ITIH6: variants seen among roughly 807,000 people sequenced by gnomAD.
The protein encoded by ITIH6 is inter-alpha-trypsin inhibitor heavy chain H6.
A neutral mutation model predicts 58.2 loss-of-function variants in ITIH6; 60 were observed. The observed-to-expected ratio is 1.03, with a 90% CI of 0.84 to 1.28. The LOEUF is 1.28. Among genes scored for constraint, ITIH6 ranks in the 50% most tolerant of loss-of-function variants. ITIH6 has a pLI of 0.00. For missense variants in ITIH6, 1,290 were observed against 1,021.1 expected, an observed-to-expected ratio of 1.26 and a Z score of -3.59; for synonymous variants, 493 against 417.4, an observed-to-expected ratio of 1.18 and a Z score of -2.21.
rs773440809 is a variant in ITIH6, at chrX:54,758,906, G to A, written c.1168C>T (p.Pro390Ser). The A allele has an allele frequency of 3.3e-6, 4 of 1,209,560 alleles. No individual in the cohort carries two copies. Among genetic ancestry groups the A allele is most frequent in the South Asian group, 3.5e-5 (2 of 56,517 alleles). The change falls in exon 8 of 13, where the codon CCT (proline) becomes TCT (serine). Residue 390 changes from proline (P) to serine (S), a missense_variant. By Grantham distance (74) the Pro-to-Ser change is moderately conservative. Coordinates refer to ENST00000218436, the MANE Select transcript of ITIH6 (RefSeq NM_198510.3). ...PGRGPSVGRI[P>S]LIIFLTDGEP... ...CCATCCGTCAGGAAGATGATAAGAGGGATCCTCCCCACACTGGGGCCCCTC... is the reference window on the plus strand; with the variant it reads ...CCATCCGTCAGGAAGATGATAAGAGAGATCCTCCCCACACTGGGGCCCCTC...
chrX:54,762,562 C>G (rs1156930958), intron 6 of ITIH6, among the ~76,000 whole-genome samples: 1 of 111,884 alleles, frequency 8.9e-6, no homozygotes, highest in African/African-American at 3.2e-5. Context: ...AGATAGCATA[C>G]TTTCCAACTT....
Position 54,749,972 on chromosome X carries a change from A to C in ITIH6, c.3865T>G (p.Trp1289Gly), listed in dbSNP as rs1928319082. The C allele has an allele frequency of 1.7e-6, 2 of 1,210,028 alleles. No homozygotes were observed. Among genetic ancestry groups the C allele is most frequent in the South Asian group, 3.5e-5 (2 of 56,768 alleles). ...CGCTTCACCAGCCAGCAGGAAGCCC[A>C]GCGGGGCAGCAGCCTTGGTGAGTCC... The part of the protein sequence containing the change: ...LKDSPRLLPR[W>G]ASCWLVKRSH... Residue 1289 changes from tryptophan to glycine, a missense_variant, in exon 13 of 13, where the codon TGG becomes GGG. Trp to Gly is a radical substitution (Grantham distance 184). Transcript: ENST00000218436.
chrX:54,758,132 C>T lies in ITIH6; in HGVS notation c.1942G>A (p.Ala648Thr). The change falls in exon 8 of 13, where the codon GCT (alanine) becomes ACT (threonine). Residue 648 changes from alanine (A) to threonine (T), a missense_variant. Transcript: ENST00000218436. ...SSRHGLGVST[A>T]QPALVPKVIS... ...ACCTTGGGCACCAAGGCTGGCTGAGCTGTGCTTACCCCTAGGCCATGCCTG... is the reference window on the plus strand; with the variant it reads ...ACCTTGGGCACCAAGGCTGGCTGAGTTGTGCTTACCCCTAGGCCATGCCTG... The T allele has an allele frequency of 8.3e-7, 1 of 1,211,760 alleles. No homozygotes were observed. Among genetic ancestry groups the T allele is most frequent in the Admixed American group, 2.2e-5 (1 of 46,063 alleles).
chrX:54,776,727 A>C (rs2147614431), intron 5 of ITIH6, among the ~76,000 whole-genome samples: 1 of 110,790 alleles, frequency 9.0e-6, no homozygotes, highest in South Asian at 3.9e-4. Flanking sequence ...GAAGGGAAGG[A>C]CCCAGTTCTT....
At chrX:54,769,411 G>T (rs1347147344) in intron 6 of ITIH6, among the ~76,000 whole-genome samples, 2 of 100,924 alleles carry the variant, frequency 2.0e-5, no homozygotes, top group Non-Finnish European at 4.0e-5. Flanking sequence ...GCTTTGTTCC[G>T]TTGCTGGTGA....
At chrX:54,773,992 C>T in intron 6 of ITIH6, 89 bp downstream of exon 6, 1 of 509,065 alleles carries the variant, frequency 2.0e-6, no homozygotes, top group East Asian at 4.0e-5. Flanking sequence ...GGTGGAATCT[C>T]TTCTCCCAGG....
chrX:54,783,281 G>A (rs915416752), intron 5 of ITIH6, among the ~76,000 whole-genome samples: 2 of 111,939 alleles, frequency 1.8e-5, no homozygotes, highest in Non-Finnish European at 3.8e-5. Context: ...ACTGGAGCAC[G>A]ACACGGATGC....
chrX:54,754,040 A>G, intron 9 of ITIH6, 75 bp from the exon 10 acceptor site: 4 of 1,005,236 alleles, frequency 4.0e-6, no homozygotes, highest in Non-Finnish European at 1.4e-6. Flanking sequence ...ACATACTCCC[A>G]GATAAGGGCC....
chrX:54,756,962 C>G lies in ITIH6; in HGVS notation c.3109+3G>C, dbSNP rs184776415. On this transcript the variant is annotated splice_donor_region_variant and intron_variant, in intron 8 of 12. Coordinates refer to ENST00000218436, the MANE Select transcript of ITIH6 (RefSeq NM_198510.3). ...GGCTCGACCTCTTACCCATGGCACT[C>G]ACCATCTTCATCAGGAGTGAGGAAG... is the stretch of plus-strand genomic sequence containing the variant. 5 of 1,149,118 alleles carry G rather than the reference C, an allele frequency of 4.4e-6. No individual in the cohort carries two copies. The highest frequency in any genetic ancestry group is 2.3e-5 in the Admixed American group (1 of 42,899). 94.7% of individuals were successfully genotyped at this position (1,149,118 alleles called of 1,213,427 possible). A position where few individuals can be genotyped will look rare whatever the true frequency, so the allele number is the denominator to read the frequency against.
Position 54,757,259 on chromosome X carries a change from T to C in ITIH6, c.2815A>G (p.Arg939Gly). 8.4e-7 allele frequency: 1 copy of C among 1,191,342 alleles called. No individual in the cohort carries two copies. The highest frequency in any genetic ancestry group is 1.1e-6 in the Non-Finnish European group (1 of 885,087). Residue 939 changes from arginine (R) to glycine (G), a missense_variant, in exon 8 of 13, where the codon AGG becomes GGG. Transcript: ENST00000218436. ...AGGAGGTCATACTGATGCCAGAACC[T>C]TCCAGGGGGCAGAGTGGGAGTAAAG... Reference protein sequence around the residue: ...MPFTPTLPPGRFWHQYDLLPG... With the variant: ...MPFTPTLPPGGFWHQYDLLPG...
chrX:54,772,656 C>T (rs1191060372), intron 6 of ITIH6, among the ~76,000 whole-genome samples: 1 of 112,260 alleles, frequency 8.9e-6, no homozygotes, highest in Non-Finnish European at 1.9e-5. Flanking sequence ...GAAAGCCAGA[C>T]GTGATGTATC....
intron 6 of ITIH6, among the ~76,000 whole-genome samples, chrX:54,765,979 A>G (rs1335479779): frequency 2.7e-5 from 3 of 111,378 alleles, no homozygotes; most frequent in Admixed American, 9.5e-5. Context: ...AAATTACCTT[A>G]GGCAGTATGG....
At chrX:54,785,155 G>A (rs1929219226) in intron 5 of ITIH6, among the ~76,000 whole-genome samples, 1 of 102,018 alleles carries the variant, frequency 9.8e-6, no homozygotes, top group Admixed American at 1.1e-4. Flanking sequence ...AATGAAAGCC[G>A]TTGAACTCAT....
chrX:54,782,022 G>A (rs757133232), intron 5 of ITIH6, among the ~76,000 whole-genome samples: 1 of 111,735 alleles, frequency 8.9e-6, no homozygotes, highest in African/African-American at 3.3e-5. Flanking sequence ...ATGAGTGGGA[G>A]CTAAATAATG....
chrX:54,797,050 T>A lies in ITIH6; in HGVS notation c.149A>T (p.Tyr50Phe). ...GACAGAGGTGACCAAGGTGTGGGCA[T>A]AGCGAGACACCACCGTGGAGCGCAT... ...YSMRSTVVSR[Y>F]AHTLVTSVLF... is the part of the protein sequence containing the mutation. Residue 50 changes from tyrosine (Y) to phenylalanine (F), a missense_variant, in exon 2 of 13, where the codon TAT becomes TTT. Coordinates refer to ENST00000218436, the MANE Select transcript of ITIH6 (RefSeq NM_198510.3). 1 of 1,209,889 alleles carries A rather than the reference T, an allele frequency of 8.3e-7. No individual in the cohort carries two copies. Among genetic ancestry groups the A allele is most frequent in the South Asian group, 1.8e-5 (1 of 56,874 alleles).
intron 11 of ITIH6, 119 bp downstream of exon 11, chrX:54,753,532 C>T: frequency 2.1e-6 from 1 of 484,468 alleles, no homozygotes; most frequent in Non-Finnish European, 3.6e-6. Flanking sequence ...TTGTGTGTTA[C>T]CGTGTGTTAG....
At chrX:54,779,285 T>A (rs1343782331) in intron 5 of ITIH6, among the ~76,000 whole-genome samples, 1 of 112,325 alleles carries the variant, frequency 8.9e-6, no homozygotes, top group African/African-American at 3.2e-5. Context: ...CATGCTTAAG[T>A]AGAAATACTG....
At position 54,790,824 on chromosome X, in the gene ITIH6, G is replaced by A; in HGVS notation, c.616+13C>T. ...GCCAGTCTGATGGGTGACCCATAGT[G>A]CTGCCCACATACTTGCATGGGCATT... is the stretch of plus-strand genomic sequence containing the variant. On this transcript the variant is annotated intron_variant, in intron 4 of 12. Coordinates refer to ENST00000218436, the MANE Select transcript of ITIH6 (RefSeq NM_198510.3). The A allele has an allele frequency of 8.3e-7, 1 of 1,211,421 alleles. No individual in the cohort carries two copies. Among genetic ancestry groups the A allele is most frequent in the Non-Finnish European group, 1.1e-6 (1 of 894,830 alleles).
At chrX:54,788,404 C>T (rs1929280696) in intron 5 of ITIH6, 76 bp downstream of exon 5, 2 of 927,946 alleles carry the variant, frequency 2.2e-6, no homozygotes, top group Non-Finnish European at 3.1e-6. Flanking sequence ...CTGGTGTGAA[C>T]AGCTGGAGAG....
Sources: gnomAD v4.1 joint callset for allele counts (sites outside exome capture counted in the v4.1 genomes callset) on GRCh38, gnomAD v4.1.1 for gene constraint, MANE v1.5 for transcripts, NCBI Gene and HGNC (gene_info 2026-07-23, HGNC 2026-07-21) for gene names.